The following PPM1H variants were observed in gnomAD, a reference collection of about 807,000 sequenced individuals.
The protein encoded by PPM1H is protein phosphatase 1H.
In PPM1H, 27 loss-of-function variants were observed where a neutral mutation model predicts 54.9. That is an observed-to-expected ratio of 0.49 (90% CI 0.36 to 0.68). PPM1H has a LOEUF of 0.68. Ranked by LOEUF, PPM1H falls within the 30% of genes least tolerant of loss-of-function variation. PPM1H has a pLI of 0.00. For missense variants in PPM1H, 596 were observed against 667.8 expected (o/e 0.89, Z 1.19); for synonymous variants, 305 against 270.8 (o/e 1.13, Z -1.24).
chr12:62,895,423 G>A (rs1471954000), intron 1 of PPM1H, among the ~76,000 whole-genome samples: 1 of 152,206 alleles, frequency 6.6e-6, no homozygotes, highest in Non-Finnish European at 1.5e-5. Context: ...CAGGGGCACA[G>A]GGTAGTGGTT....
intron 4 of PPM1H, among the ~76,000 whole-genome samples, chr12:62,763,615 C>T (rs527946810): frequency 6.6e-6 from 1 of 152,218 alleles, no homozygotes; most frequent in African/African-American, 2.4e-5. Context: ...TTGTCAAATA[C>T]AGAAAGTTGA....
intron 1 of PPM1H, among the ~76,000 whole-genome samples, chr12:62,871,511 C>CTT (rs375570472): frequency 1.8e-4 from 21 of 119,122 alleles, no homozygotes; most frequent in Admixed American, 3.5e-4. Flanking sequence ...AACTGTGGTA[C>CTT]TTTTTTTTTT....
chr12:62,788,272 T>A lies in PPM1H; in HGVS notation c.823A>T (p.Ile275Phe), dbSNP rs1481454501. The change falls in exon 4 of 10, where the codon ATT becomes TTT. Residue 275 changes from isoleucine (I) to phenylalanine (F), a missense_variant. This residue lies in a region of PPM1H where 382 missense variants were observed against 387.1 expected (regional missense o/e 0.99). Coordinates refer to ENST00000228705, the MANE Select transcript of PPM1H (RefSeq NM_020700.2). Reference sequence around the variant, plus strand: ...ACATACAGCTTCCCCAAAAGGCAAATCACAATGAGGGCCGTGCAGCCACCA... The same window carrying A: ...ACATACAGCTTCCCCAAAAGGCAAAACACAATGAGGGCCGTGCAGCCACCA... The part of the protein sequence containing the change: ...ISGGCTALIV[I>F]CLLGKLYVAN... 6.2e-7 allele frequency: 1 copy of A among 1,600,152 alleles called. No individual in the cohort carries two copies. Among genetic ancestry groups the A allele is most frequent in the Non-Finnish European group, 8.5e-7 (1 of 1,173,014 alleles).
At chr12:62,723,208 AC>A (rs1406811353) in intron 5 of PPM1H, among the ~76,000 whole-genome samples, 1 of 152,142 alleles carries the variant, frequency 6.6e-6, no homozygotes, top group Non-Finnish European at 1.5e-5. Context: ...GTATCATACC[AC>A]ATATCCCTAG....
intron 4 of PPM1H, among the ~76,000 whole-genome samples, chr12:62,762,815 G>T (rs2076517664): frequency 6.6e-6 from 1 of 152,138 alleles, no homozygotes. Context: ...AACATGTGAT[G>T]AAATAAGCTA....
intron 1 of PPM1H, among the ~76,000 whole-genome samples, chr12:62,925,047 C>CA (rs1359178444): frequency 6.7e-6 from 1 of 150,346 alleles, no homozygotes. Context: ...GACTCTGTCT[C>CA]AAAAAAAGGA....
intron 1 of PPM1H, among the ~76,000 whole-genome samples, chr12:62,917,284 A>G (rs1871654742): frequency 6.6e-6 from 1 of 152,262 alleles, no homozygotes; most frequent in Admixed American, 6.5e-5. Context: ...TGGCAGCACA[A>G]TTCTGACAGC....
intron 1 of PPM1H, among the ~76,000 whole-genome samples, chr12:62,875,167 C>A (rs2121019858): frequency 6.6e-6 from 1 of 152,330 alleles, no homozygotes; most frequent in African/African-American, 2.4e-5. Flanking sequence ...AGGAAACCAT[C>A]TTGGGTCACA....
chr12:62,728,885 C>A (rs1243113985), intron 5 of PPM1H, among the ~76,000 whole-genome samples: 1 of 152,184 alleles, frequency 6.6e-6, no homozygotes, highest in Admixed American at 6.5e-5. Context: ...TTTGAGGTTA[C>A]TCAAAATTGC....
At chr12:62,705,711 G>T (rs112412962) in intron 6 of PPM1H, among the ~76,000 whole-genome samples, 1 of 152,106 alleles carries the variant, frequency 6.6e-6, no homozygotes, top group Non-Finnish European at 1.5e-5. Flanking sequence ...TCTCTCCACC[G>T]ATATGAATCA....
intron 6 of PPM1H, among the ~76,000 whole-genome samples, chr12:62,719,500 A>ATCG (rs75882166): frequency 6.6e-6 from 1 of 152,052 alleles, no homozygotes; most frequent in Non-Finnish European, 1.5e-5. Context: ...AGTACTTATC[A>ATCG]TATCTATCAG....
intron 3 of PPM1H, among the ~76,000 whole-genome samples, chr12:62,795,753 G>C (rs1303505865): frequency 6.6e-6 from 1 of 151,930 alleles, no homozygotes; most frequent in Non-Finnish European, 1.5e-5. Context: ...TTGAGACAGA[G>C]TCTCGCTCCG....
At chr12:62,826,148 T>C (rs954711593) in intron 2 of PPM1H, among the ~76,000 whole-genome samples, 14 of 152,202 alleles carry the variant, frequency 9.2e-5, no homozygotes, top group African/African-American at 2.4e-4. Context: ...CATTATTATC[T>C]GTAGTAGAAA....
chr12:62,805,944 C>A (rs1331638382), intron 2 of PPM1H, among the ~76,000 whole-genome samples: 1 of 152,178 alleles, frequency 6.6e-6, no homozygotes, highest in African/African-American at 2.4e-5. Flanking sequence ...TATATCAAAT[C>A]ATGCACACCT....
chr12:62,932,551 T>A (rs1462109570), intron 1 of PPM1H, among the ~76,000 whole-genome samples: 2 of 145,162 alleles, frequency 1.4e-5, no homozygotes, highest in Non-Finnish European at 3.0e-5. Context: ...CGTTTGGCAG[T>A]CACAAGGACC....
intron 1 of PPM1H, among the ~76,000 whole-genome samples, chr12:62,888,611 T>C (rs1480538851): frequency 1.3e-5 from 2 of 152,292 alleles, no homozygotes; most frequent in East Asian, 3.9e-4. Context: ...GCTATAATAC[T>C]GCTAAATAAA....
At chr12:62,692,932 GACACACACACACACAC>G (rs71278272) in intron 7 of PPM1H, among the ~76,000 whole-genome samples, 4 of 146,694 alleles carry the variant, frequency 2.7e-5, no homozygotes, top group African/African-American at 1.0e-4. Context: ...CTTTTGCTCT[GACACACACACACACAC>G]ACACACACAC....
At chr12:62,808,416 G>C (rs1045776307) in intron 2 of PPM1H, among the ~76,000 whole-genome samples, 1 of 152,110 alleles carries the variant, frequency 6.6e-6, no homozygotes, top group Non-Finnish European at 1.5e-5. Flanking sequence ...TTTATACATA[G>C]TGCCATAGTC....
rs12298698 is a variant in PPM1H at position 62,821,100 on chromosome 12, G to A, written c.411+11014C>T. Among the ~76,000 whole-genome samples the A allele has an allele frequency of 4.1e-3, 621 of 152,234 alleles. 5 individuals are homozygous for A. Among genetic ancestry groups the A allele is most frequent in the African/African-American group, 0.014 (585 of 41,530 alleles). On this transcript the variant is annotated intron_variant, in intron 2 of 9. Transcript: ENST00000228705. ...AAATGACCTGATGGAGCTGAAAACC[G>A]TGGCAAGAGAACTACGTAACGCATG...
Sources: gnomAD v4.1 joint callset for allele counts (sites outside exome capture counted in the v4.1 genomes callset) on GRCh38, gnomAD v4.1.1 for gene constraint, gnomAD v4.1.1 regional missense constraint, MANE v1.5 for transcripts, NCBI Gene and HGNC (gene_info 2026-07-23, HGNC 2026-07-21) for gene names.